Variants in NKAIN2 observed in about 807,000 individuals in gnomAD.
The protein encoded by NKAIN2 is sodium/potassium transporting ATPase interacting 2, also known as sodium/potassium-transporting ATPase subunit beta-1-interacting protein 2.
NKAIN2 carries 14 observed loss-of-function variants against 32.6 expected under a neutral mutation model. The ratio of observed to expected loss-of-function variants is 0.43; its 90% confidence interval spans 0.28 to 0.67. NKAIN2 has a LOEUF of 0.67. Ranked by LOEUF, NKAIN2 falls within the 30% of genes least tolerant of loss-of-function variation. The pLI is 0.17. For synonymous variants in NKAIN2, 80 were observed against 87.2 expected (o/e 0.92, Z 0.46); for missense variants, 198 against 258.3 (o/e 0.77, Z 1.60).
At chr6:124,692,897 A>G (rs1774327548) in intron 4 of NKAIN2, among the ~76,000 whole-genome samples, 1 of 152,196 alleles carries the variant, frequency 6.6e-6, no homozygotes, top group African/African-American at 2.4e-5. Context: ...CGAACTATGC[A>G]TTTGATACAG....
chr6:123,969,500 C>T (rs1296637552), intron 1 of NKAIN2, among the ~76,000 whole-genome samples: 2 of 152,140 alleles, frequency 1.3e-5, no homozygotes, highest in Non-Finnish European at 2.9e-5. Context: ...AATGAAGGGA[C>T]CGTTGCACTA....
chr6:124,512,025 A>G (rs2114775399), intron 3 of NKAIN2, among the ~76,000 whole-genome samples: 1 of 152,250 alleles, frequency 6.6e-6, no homozygotes, highest in African/African-American at 2.4e-5. Context: ...TGCTTCCCTC[A>G]CTGATTTTAT....
chr6:124,551,540 A>G (rs1780286248), intron 3 of NKAIN2, among the ~76,000 whole-genome samples: 1 of 152,106 alleles, frequency 6.6e-6, no homozygotes. Context: ...CTAAGGTGGG[A>G]ACATCTGATA....
At chr6:124,527,972 AAGTTGG>A (rs1407439747) in intron 3 of NKAIN2, among the ~76,000 whole-genome samples, 5 of 152,162 alleles carry the variant, frequency 3.3e-5, no homozygotes, top group African/African-American at 9.7e-5. Context: ...GCAAATAATG[AAGTTGG>A]AGGACTCAGG....
chr6:124,415,848 CTT>C (rs113733587), intron 3 of NKAIN2, among the ~76,000 whole-genome samples: 6 of 97,982 alleles, frequency 6.1e-5, no homozygotes, highest in Non-Finnish European at 1.1e-4. Context: ...TTTTTATTTG[CTT>C]TTTTTTTTAA....
chr6:124,016,474 G>A lies in NKAIN2; in HGVS notation c.54+212220G>A, dbSNP rs184257091. Among the ~76,000 whole-genome samples the A allele has an allele frequency of 8.5e-5, 13 of 152,238 alleles. No homozygotes were observed. In the East Asian group the frequency reaches 2.5e-3, roughly 29 times the overall value. ...AGATTGAACTGCTGTATGAATTCAT[G>A]CCAAAGTCCACAATGTTAGTTTGAA... is the stretch of plus-strand genomic sequence containing the variant. On this transcript the variant is annotated intron_variant, in intron 1 of 6. Transcript: ENST00000368417.
chr6:124,055,677 G>A (rs942467907), intron 1 of NKAIN2, among the ~76,000 whole-genome samples: 3 of 151,954 alleles, frequency 2.0e-5, no homozygotes, highest in African/African-American at 7.2e-5. Context: ...TCATCACTGT[G>A]ACCTTCAAGC....
intron 5 of NKAIN2, among the ~76,000 whole-genome samples, chr6:124,817,442 T>C (rs1022360694): frequency 6.6e-6 from 1 of 152,148 alleles, no homozygotes; most frequent in Non-Finnish European, 1.5e-5. Flanking sequence ...GAAACACTTA[T>C]CCATTGGTCC....
chr6:124,000,951 A>G (rs897719850), intron 1 of NKAIN2, among the ~76,000 whole-genome samples: 1 of 152,208 alleles, frequency 6.6e-6, no homozygotes, highest in Admixed American at 6.5e-5. Flanking sequence ...CAGTACGTGT[A>G]AAAGCTTGTT....
intron 2 of NKAIN2, among the ~76,000 whole-genome samples, chr6:124,343,947 A>C (rs9388319): frequency 2.7e-5 from 4 of 146,272 alleles, no homozygotes; most frequent in African/African-American, 9.8e-5. Flanking sequence ...TTTTCTTCTA[A>C]AGTTTTTATG....
intron 2 of NKAIN2, among the ~76,000 whole-genome samples, chr6:124,305,811 AT>A: frequency 1.3e-5 from 2 of 152,248 alleles, no homozygotes; most frequent in Admixed American, 6.5e-5. Context: ...ACTCATTGCC[AT>A]TTTAGCAACC....
chr6:124,787,114 A>G (rs1320415065), intron 4 of NKAIN2, among the ~76,000 whole-genome samples: 1 of 152,094 alleles, frequency 6.6e-6, no homozygotes, highest in Admixed American at 6.6e-5. Context: ...CTACTCCGAG[A>G]ATGGATTACC....
intron 1 of NKAIN2, among the ~76,000 whole-genome samples, chr6:124,144,781 T>C (rs989359209): frequency 6.6e-6 from 1 of 152,074 alleles, no homozygotes; most frequent in East Asian, 1.9e-4. Flanking sequence ...ATGGATAAAT[T>C]GGGCCTAATT....
intron 3 of NKAIN2, among the ~76,000 whole-genome samples, chr6:124,399,113 G>C (rs1773522073): frequency 6.6e-6 from 1 of 152,102 alleles, no homozygotes; most frequent in African/African-American, 2.4e-5. Context: ...TTTTAGTAGA[G>C]ACAGGGTTTC....
At chr6:124,277,769 G>A (rs56164135) in intron 1 of NKAIN2, among the ~76,000 whole-genome samples, 8,979 of 151,986 alleles carry the variant, frequency 0.059, 591 homozygotes, top group African/African-American at 0.16. Context: ...ACTTAAGGGG[G>A]AAGAGGTACA....
Position 124,747,067 on chromosome 6 carries a change from T to C in NKAIN2, c.475-44272T>C, listed in dbSNP as rs557286811. Among the ~76,000 whole-genome samples, 113 of 152,096 alleles carry C rather than the reference T, an allele frequency of 7.4e-4. 1 individual carries two copies. Among genetic ancestry groups the C allele is most frequent in the African/African-American group, 2.7e-3 (113 of 41,534 alleles). ...GGCCATTATTCTCTATGAATTAATA[T>C]CTTATCCTGTTTATGATACTAAATT... On this transcript the variant is annotated intron_variant, in intron 4 of 6. Transcript: ENST00000368417.
At chr6:124,210,302 G>T (rs1283035259) in intron 1 of NKAIN2, among the ~76,000 whole-genome samples, 1 of 151,824 alleles carries the variant, frequency 6.6e-6, no homozygotes, top group Non-Finnish European at 1.5e-5. Flanking sequence ...TTATGTGTCT[G>T]TTTTTATGCC....
intron 4 of NKAIN2, among the ~76,000 whole-genome samples, chr6:124,661,438 T>C (rs1387841872): frequency 6.6e-6 from 1 of 152,208 alleles, no homozygotes; most frequent in Non-Finnish European, 1.5e-5. Context: ...CACAGATTCC[T>C]GAACCCTGGC....
chr6:124,537,441 G>C (rs1057181538), intron 3 of NKAIN2, among the ~76,000 whole-genome samples: 2 of 152,082 alleles, frequency 1.3e-5, no homozygotes, highest in African/African-American at 4.8e-5. Flanking sequence ...CCTTTTTCCT[G>C]GAACTCTGTT....
Sources: gnomAD v4.1 joint callset for allele counts (sites outside exome capture counted in the v4.1 genomes callset) on GRCh38, gnomAD v4.1.1 for gene constraint, MANE v1.5 for transcripts, NCBI Gene and HGNC (gene_info 2026-07-23, HGNC 2026-07-21) for gene names.